Variants in PPP1R12A observed in about 807,000 individuals in gnomAD.
PPP1R12A encodes myosin binding subunit.
A neutral mutation model predicts 139.6 loss-of-function variants in PPP1R12A; 19 were observed. The observed-to-expected ratio is 0.14, with a 90% CI of 0.09 to 0.20. The LOEUF (loss-of-function observed/expected upper bound fraction) is 0.20, where lower values mean the gene tolerates loss of function less well. PPP1R12A is among the 10% of genes least tolerant of loss of function. The pLI is 1.00. For missense variants in PPP1R12A, 925 were observed against 1,211.5 expected, an observed-to-expected ratio of 0.76 and a Z score of 3.51; for synonymous variants, 427 against 420.6, an observed-to-expected ratio of 1.02 and a Z score of -0.19.
At chr12:79,801,015 G>C (rs546926378) in intron 14 of PPP1R12A, among the ~76,000 whole-genome samples, 4 of 151,452 alleles carry the variant, frequency 2.6e-5, no homozygotes, top group African/African-American at 9.7e-5. Flanking sequence ...TTACAGGCAT[G>C]AGCCACTGTG....
chr12:79,854,788 C>T (rs1437262846), intron 2 of PPP1R12A, among the ~76,000 whole-genome samples: 1 of 152,104 alleles, frequency 6.6e-6, no homozygotes, highest in African/African-American at 2.4e-5. Flanking sequence ...CCTCCCACCT[C>T]AGCCTCCCAA....
intron 1 of PPP1R12A, among the ~76,000 whole-genome samples, chr12:79,885,714 A>G (rs769430126): frequency 2.8e-4 from 43 of 152,196 alleles, no homozygotes; most frequent in Middle Eastern, 3.2e-3. Context: ...TGAAAATGAA[A>G]TTATAGTCCA....
intron 3 of PPP1R12A, among the ~76,000 whole-genome samples, chr12:79,837,405 C>T (rs1210256293): frequency 2.0e-5 from 3 of 151,922 alleles, no homozygotes; most frequent in African/African-American, 7.3e-5. Context: ...CTTTCAAAGG[C>T]AATTTATTTA....
chr12:79,800,968 C>T (rs550832520), intron 14 of PPP1R12A, among the ~76,000 whole-genome samples: 139 of 151,768 alleles, frequency 9.2e-4, no homozygotes, highest in African/African-American at 3.1e-3. Context: ...CTTCTGACCT[C>T]GTGATCCGCC....
At chr12:79,838,202 T>C (rs1183429476) in intron 3 of PPP1R12A, among the ~76,000 whole-genome samples, 2 of 152,228 alleles carry the variant, frequency 1.3e-5, no homozygotes, top group Non-Finnish European at 2.9e-5. Context: ...TCACTCTTTT[T>C]ATGCTTTGGC....
chr12:79,896,993 A>G (rs913104081), intron 1 of PPP1R12A, among the ~76,000 whole-genome samples: 2 of 152,224 alleles, frequency 1.3e-5, no homozygotes, highest in African/African-American at 4.8e-5. Flanking sequence ...AAGGCTTCCT[A>G]AAGACTTCCC....
intron 18 of PPP1R12A, among the ~76,000 whole-genome samples, chr12:79,794,917 C>T (rs867217131): frequency 4.0e-5 from 6 of 151,892 alleles, no homozygotes; most frequent in South Asian, 2.1e-4. Flanking sequence ...TAGTTAACTA[C>T]GGTGTTAGAA....
intron 2 of PPP1R12A, among the ~76,000 whole-genome samples, chr12:79,862,100 G>C (rs1249963753): frequency 1.3e-5 from 2 of 152,150 alleles, no homozygotes; most frequent in East Asian, 3.9e-4. Context: ...TGCCCTTCTA[G>C]GACAAAGCTT....
At chr12:79,804,266 T>A (rs1050371706) in intron 14 of PPP1R12A, among the ~76,000 whole-genome samples, 1 of 152,060 alleles carries the variant, frequency 6.6e-6, no homozygotes, top group Non-Finnish European at 1.5e-5. Flanking sequence ...GGCTCTGTGG[T>A]CTTACTGAGA....
At chr12:79,897,324 T>C (rs1056434317) in intron 1 of PPP1R12A, among the ~76,000 whole-genome samples, 5 of 152,280 alleles carry the variant, frequency 3.3e-5, no homozygotes, top group East Asian at 3.9e-4. Flanking sequence ...ATGTTCTAAC[T>C]TATAAGTGTG....
intron 22 of PPP1R12A, among the ~76,000 whole-genome samples, chr12:79,785,602 A>C (rs1241418815): frequency 6.6e-6 from 1 of 152,216 alleles, no homozygotes; most frequent in Non-Finnish European, 1.5e-5. Context: ...TTTATGCTAG[A>C]AAGTCCCAGG....
intron 2 of PPP1R12A, among the ~76,000 whole-genome samples, chr12:79,859,807 C>T (rs980026147): frequency 6.6e-6 from 1 of 152,166 alleles, no homozygotes; most frequent in African/African-American, 2.4e-5. Context: ...GTCCTAGCTA[C>T]CGCTGCTGAG....
intron 3 of PPP1R12A, among the ~76,000 whole-genome samples, chr12:79,839,572 T>TG (rs1400146930): frequency 2.0e-5 from 3 of 152,140 alleles, no homozygotes; most frequent in Non-Finnish European, 4.4e-5. Context: ...AACTGAATCA[T>TG]GGGGGCAGTT....
chr12:79,916,646 A>G (rs1887016554), intron 1 of PPP1R12A, among the ~76,000 whole-genome samples: 1 of 152,184 alleles, frequency 6.6e-6, no homozygotes, highest in Non-Finnish European at 1.5e-5. Context: ...AACCATATCC[A>G]GAATTCCATT....
At chr12:79,789,630 C>G (rs1025224446) in intron 20 of PPP1R12A, 16 of 453,186 alleles carry the variant, frequency 3.5e-5, no homozygotes, top group Non-Finnish European at 6.2e-5. Flanking sequence ...CTCTGCATTT[C>G]AATTCAATAG....
At position 79,923,900 on chromosome 12, in the gene PPP1R12A, C is replaced by G. The variant is rs111816891; in HGVS notation, c.237+10795G>C. On this transcript the variant is annotated intron_variant, in intron 1 of 24. Coordinates refer to ENST00000450142, the MANE Select transcript of PPP1R12A (RefSeq NM_002480.3). Reference sequence around the variant, plus strand: ...TCTACTAAAAATAAGAAAAATTAGCCGGGCGTGGTGGTGGACGCCTGTAAT... The same window carrying G: ...TCTACTAAAAATAAGAAAAATTAGCGGGGCGTGGTGGTGGACGCCTGTAAT... 9.7e-3 allele frequency among the ~76,000 whole-genome samples: 1,482 copies of G among 152,052 alleles called. 32 individuals are homozygous for G. The highest frequency in any genetic ancestry group is 0.034 in the African/African-American group (1,427 of 41,480).
At chr12:79,929,766 C>T (rs1888111395) in intron 1 of PPP1R12A, among the ~76,000 whole-genome samples, 1 of 147,498 alleles carries the variant, frequency 6.8e-6, no homozygotes, top group South Asian at 2.1e-4. Context: ...GAGACTCCAT[C>T]TCAAAAAAAA....
intron 2 of PPP1R12A, among the ~76,000 whole-genome samples, chr12:79,849,974 C>A (rs1330981585): frequency 6.6e-6 from 1 of 151,888 alleles, no homozygotes; most frequent in African/African-American, 2.4e-5. Context: ...CAAGAACATA[C>A]TACAACACCC....
At chr12:79,929,613 A>T (rs1234574862) in intron 1 of PPP1R12A, among the ~76,000 whole-genome samples, 2 of 151,912 alleles carry the variant, frequency 1.3e-5, no homozygotes, top group Non-Finnish European at 2.9e-5. Flanking sequence ...CAAAAATACA[A>T]AAAAAATTAG....
Sources: gnomAD v4.1 joint callset for allele counts (sites outside exome capture counted in the v4.1 genomes callset) on GRCh38, gnomAD v4.1.1 for gene constraint, MANE v1.5 for transcripts, NCBI Gene and HGNC (gene_info 2026-07-23, HGNC 2026-07-21) for gene names.